Variants in ARIH1 observed in about 807,000 individuals in gnomAD.
The protein encoded by ARIH1 is E3 ubiquitin-protein ligase ARIH1.
A neutral mutation model predicts 85.0 loss-of-function variants in ARIH1; 8 were observed. The ratio of observed to expected loss-of-function variants is 0.09; its 90% CI spans 0.06 to 0.17. The LOEUF (loss-of-function observed/expected upper bound fraction) is 0.17. ARIH1 is among the 10% of genes least tolerant of loss of function. ARIH1 has a pLI of 1.00. For missense variants in ARIH1, 311 were observed against 718.1 expected, an observed-to-expected ratio of 0.43 and a Z score of 6.48; for synonymous variants, 238 against 253.6, an observed-to-expected ratio of 0.94 and a Z score of 0.59.
intron 1 of ARIH1, among the ~76,000 whole-genome samples, chr15:72,511,583 G>A (rs1225069514): frequency 6.6e-6 from 1 of 152,274 alleles, no homozygotes; most frequent in East Asian, 1.9e-4. Context: ...AGGATTACAG[G>A]CATGAACCAC....
intron 9 of ARIH1, among the ~76,000 whole-genome samples, chr15:72,567,463 C>T (rs1349262978): frequency 1.3e-5 from 2 of 152,146 alleles, no homozygotes; most frequent in African/African-American, 4.8e-5. Context: ...GATAATTTTT[C>T]AAGTGTGGGA....
Position 72,474,418 on chromosome 15 carries a change from G to A in ARIH1, c.-222G>A, listed in dbSNP as rs1237744527. 17 of 587,656 alleles carry A rather than the reference G, an allele frequency of 2.9e-5. No individual in the cohort carries two copies. The East Asian group carries it at 5.5e-4, about 19-fold the overall frequency. The allele number at this position is 587,656 out of a possible 1,614,324, so 36.4% of individuals were successfully genotyped here. A position where few individuals can be genotyped will look rare whatever the true frequency, so the allele number is the denominator to read the frequency against. On this transcript the variant is annotated 5_prime_UTR_variant, in exon 1 of 14. Transcript: ENST00000379887. ...GAGCCGCGTCTGACTGAGGCGGGCA[G>A]CAAGCGGCCCCCTCGCTCCCTCCCT...
At chr15:72,541,109 A>G (rs1015841300) in intron 2 of ARIH1, among the ~76,000 whole-genome samples, 9 of 152,194 alleles carry the variant, frequency 5.9e-5, no homozygotes, top group African/African-American at 2.2e-4. Context: ...TGATCAAACA[A>G]AGAAACAGGT....
intron 1 of ARIH1, among the ~76,000 whole-genome samples, chr15:72,484,171 CAA>C (rs35300595): frequency 0.72 from 85,041 of 117,560 alleles, 33,989 homozygotes; most frequent in Non-Finnish European, 0.88. Flanking sequence ...GAAACTCCAT[CAA>C]AAAAAAAAAA....
intron 1 of ARIH1, among the ~76,000 whole-genome samples, chr15:72,490,096 T>A (rs1474625287): frequency 6.6e-6 from 1 of 151,720 alleles, no homozygotes. Context: ...GTCACGGTGG[T>A]TCAAGCGTGT....
chr15:72,509,135 C>T (rs902338322), intron 1 of ARIH1, among the ~76,000 whole-genome samples: 1 of 151,872 alleles, frequency 6.6e-6, no homozygotes, highest in Non-Finnish European at 1.5e-5. Context: ...GGACTACAGG[C>T]GTGCATCACC....
At chr15:72,535,995 C>T (rs2064080318) in intron 2 of ARIH1, among the ~76,000 whole-genome samples, 1 of 152,014 alleles carries the variant, frequency 6.6e-6, no homozygotes, top group Non-Finnish European at 1.5e-5. Context: ...TTGGATTCTG[C>T]CCAATTGTTG....
chr15:72,547,640 T>C (rs2064135565), intron 3 of ARIH1, among the ~76,000 whole-genome samples: 1 of 152,250 alleles, frequency 6.6e-6, no homozygotes, highest in Admixed American at 6.5e-5. Flanking sequence ...AATTTGAATA[T>C]TTTTTAAAAA....
intron 1 of ARIH1, among the ~76,000 whole-genome samples, chr15:72,490,635 C>A (rs2063855452): frequency 6.6e-6 from 1 of 151,926 alleles, no homozygotes; most frequent in South Asian, 2.1e-4. Flanking sequence ...ACTGTAGTTT[C>A]AAAAATGTTC....
At position 72,474,634 on chromosome 15, in the gene ARIH1, C is replaced by T; in HGVS notation, c.-6C>T. The T allele has an allele frequency of 2.0e-6, 3 of 1,517,354 alleles. No homozygotes were observed. Among genetic ancestry groups the T allele is most frequent in the Admixed American group, 4.3e-5 (2 of 47,026 alleles). 94.0% of individuals were successfully genotyped at this position (1,517,354 alleles called of 1,614,324 possible). On this transcript the variant is annotated 5_prime_UTR_variant, in exon 1 of 14. Transcript: ENST00000379887. ...CAGCGTCCGCCGGGCCCCCGCGCGT[C>T]GCGCCATGGACTCGGACGAGGGCTA...
rs79177096 is a variant in ARIH1, at chr15:72,478,925, C to A, written c.375+3911C>A. Among the ~76,000 whole-genome samples, 604 of 152,310 alleles carry A rather than the reference C, an allele frequency of 4.0e-3. 5 individuals are homozygous for A. The highest frequency in any genetic ancestry group is 0.014 in the African/African-American group (584 of 41,560). ...AGATCATAGCTCACTGCAACCTCAA[C>A]TTCCTGAGCTAAAGTGATTCTCCCG... On this transcript the variant is annotated intron_variant, in intron 1 of 13. Transcript: ENST00000379887.
rs2064037887 is a variant in ARIH1 at position 72,527,982 on chromosome 15, T to C, written c.443+9848T>C. On this transcript the variant is annotated intron_variant, in intron 2 of 13. Transcript: ENST00000379887. ...TTTTCTTTTCTGTAATAGAATTTTA[T>C]TGAAGTTATGACATGAATGTAAATC... Among the ~76,000 whole-genome samples the C allele has an allele frequency of 2.0e-5, 3 of 152,308 alleles. No homozygotes were observed. The South Asian group carries it at 6.2e-4, about 32-fold the overall frequency.
At chr15:72,549,441 T>C (rs987776045) in intron 3 of ARIH1, among the ~76,000 whole-genome samples, 3 of 152,120 alleles carry the variant, frequency 2.0e-5, no homozygotes, top group Non-Finnish European at 2.9e-5. Flanking sequence ...ATAAGATATG[T>C]GAAGTAGGTA....
In ARIH1 at chr15:72,582,047, C is replaced by T. The variant is rs538638671; in HGVS notation, c.1477-28C>T. ...TTTATCTTTTAGCTTTATTTTGAAGCCAAAATTTACTTTCATTCTTCTTAC... is the reference window on the plus strand; with the variant it reads ...TTTATCTTTTAGCTTTATTTTGAAGTCAAAATTTACTTTCATTCTTCTTAC... On this transcript the variant is annotated intron_variant, in intron 12 of 13. Coordinates refer to ENST00000379887, the MANE Select transcript of ARIH1 (RefSeq NM_005744.5). This position sits in a 1 kb window ranked among gnomAD's most constrained non-coding sequence, Gnocchi z 4.6. The T allele has an allele frequency of 5.3e-6, 8 of 1,512,400 alleles. No individual in the cohort carries two copies. The Admixed American group carries it at 7.1e-5, about 13-fold the overall frequency. The allele number at this position is 1,512,400 out of a possible 1,614,324, so 93.7% of individuals were successfully genotyped here.
chr15:72,563,396 C>T lies in ARIH1; in HGVS notation c.807C>T (p.Cys269=), dbSNP rs1319466388. ...QHLITNSFVE[C]NRLLKWCPAP... ...TTATTTTCTAACTTGTATTTCAGTGCAATCGACTGTTAAAGTGGTGTCCTG... is the reference window on the plus strand; with the variant it reads ...TTATTTTCTAACTTGTATTTCAGTGTAATCGACTGTTAAAGTGGTGTCCTG... The change falls in exon 7 of 14, where the codon TGC becomes TGT. Residue 269 remains cysteine (C), a splice_region_variant and synonymous_variant. Transcript: ENST00000379887. 1 of 1,612,438 alleles carries T rather than the reference C, an allele frequency of 6.2e-7. No individual in the cohort carries two copies. Among genetic ancestry groups the T allele is most frequent in the African/African-American group, 1.3e-5 (1 of 74,866 alleles).
intron 1 of ARIH1, among the ~76,000 whole-genome samples, chr15:72,509,657 T>C (rs1236289699): frequency 2.0e-5 from 3 of 152,152 alleles, no homozygotes; most frequent in Non-Finnish European, 4.4e-5. Context: ...GATGCGATCA[T>C]AGGTCACTAC....
In ARIH1 at chr15:72,588,215, C is replaced by G. The variant is rs1233165871; in HGVS notation, c.*4923C>G. 6.6e-6 allele frequency: 1 copy of G among 152,130 alleles called. No homozygotes were observed. The highest frequency in any genetic ancestry group is 1.5e-5 in the Non-Finnish European group (1 of 68,032). The allele number at this position is 152,130 out of a possible 1,614,324, so 9.4% of individuals were successfully genotyped here. A position where few individuals can be genotyped will look rare whatever the true frequency, so the allele number is the denominator to read the frequency against. On this transcript the variant is annotated 3_prime_UTR_variant, in exon 14 of 14. Coordinates refer to ENST00000379887, the MANE Select transcript of ARIH1 (RefSeq NM_005744.5). Reference sequence around the variant, plus strand: ...CTGAGAGGAGCCTGTGAAATCCAGACTTCATGTGAATTCTCTTAATTAAAT... The same window carrying G: ...CTGAGAGGAGCCTGTGAAATCCAGAGTTCATGTGAATTCTCTTAATTAAAT...
intron 2 of ARIH1, among the ~76,000 whole-genome samples, chr15:72,525,720 C>G (rs1482889017): frequency 6.6e-6 from 1 of 152,104 alleles, no homozygotes; most frequent in Non-Finnish European, 1.5e-5. Flanking sequence ...CTTCTTCCTT[C>G]AGTTCTCTTG....
At chr15:72,569,514 G>T (rs143747912) in intron 9 of ARIH1, among the ~76,000 whole-genome samples, 2 of 152,078 alleles carry the variant, frequency 1.3e-5, no homozygotes, top group African/African-American at 4.8e-5. Context: ...CTTGGATTTG[G>T]ATCCTGACTT....
Sources: allele counts gnomAD v4.1 joint callset (sites outside exome capture counted in the v4.1 genomes callset), GRCh38; gene constraint gnomAD v4.1.1; non-coding constraint Gnocchi (gnomAD v3.1); transcripts MANE v1.5; gene names NCBI Gene and HGNC (gene_info 2026-07-23, HGNC 2026-07-21).